The following THAP4 variants were observed in gnomAD, a reference collection of about 807,000 sequenced individuals.
THAP4 encodes the protein THAP domain containing 4.
A neutral mutation model predicts 48.1 loss-of-function variants in THAP4; 18 were observed. That is an observed-to-expected ratio of 0.37 (90% CI 0.26 to 0.56). THAP4 has a LOEUF of 0.56. Among genes scored for constraint, THAP4 ranks in the 20% least tolerant of loss-of-function variants. The probability of loss-of-function intolerance (pLI) is 0.78; values close to 1 mark genes in which losing one functional copy is unlikely to be tolerated. For missense variants in THAP4, 656 were observed against 774.9 expected, an observed-to-expected ratio of 0.85 and a Z score of 1.82; for synonymous variants, 345 against 324.9, an observed-to-expected ratio of 1.06 and a Z score of -0.66.
intron 2 of THAP4, among the ~76,000 whole-genome samples, chr2:241,632,164 C>T (rs1352852535): frequency 6.6e-6 from 1 of 152,002 alleles, no homozygotes; most frequent in African/African-American, 2.4e-5. Context: ...GCAATCCTGG[C>T]TCACAGCAAC....
In THAP4 at chr2:241,623,297, T is replaced by C. The variant is rs141475810; in HGVS notation, c.1240+9620A>G. Among the ~76,000 whole-genome samples the C allele has an allele frequency of 4.2e-3, 633 of 149,156 alleles. 2 individuals are homozygous for C. The highest frequency in any genetic ancestry group is 0.015 in the African/African-American group (591 of 40,514). On this transcript the variant is annotated intron_variant, in intron 2 of 5. Transcript: ENST00000407315. Reference sequence around the variant, plus strand: ...AAAACATAGATTAAAAGTAAAGGGATAGGCCAGCATGGTGGCTCACGTCTG... The same window carrying C: ...AAAACATAGATTAAAAGTAAAGGGACAGGCCAGCATGGTGGCTCACGTCTG...
In THAP4 at chr2:241,634,008, G is replaced by C; in HGVS notation, c.149C>G (p.Thr50Ser). The C allele has an allele frequency of 1.2e-6, 2 of 1,614,080 alleles. No individual in the cohort carries two copies. The highest frequency in any genetic ancestry group is 2.2e-5 in the East Asian group (1 of 44,874). The stretch of plus-strand genomic sequence containing the variant: ...CTCACTACAGAGAAATGAATACTTA[G>C]TGGGAGTCCAGTTATCCCTCTGAAC... Reference protein sequence around the residue: ...KAVQRDNWTPTKYSFLCSEHF... With the variant: ...KAVQRDNWTPSKYSFLCSEHF... The change falls in exon 2 of 6, where the codon ACT becomes AGT. Residue 50 changes from threonine (T) to serine (S), a missense_variant. Around this residue, in one of 4 missense-constraint regions of THAP4, gnomAD observed 30 missense variants for 60.1 expected, o/e 0.50. Coordinates refer to ENST00000407315, the MANE Select transcript of THAP4 (RefSeq NM_015963.6).
At chr2:241,617,390 A>G (rs2067361015) in intron 2 of THAP4, 1 of 1,504,330 alleles carries the variant, frequency 6.6e-7, no homozygotes, top group East Asian at 2.5e-5. Flanking sequence ...GTTTTGGCCC[A>G]AGACACTGAA....
At chr2:241,607,573 G>C (rs1007124475) in intron 2 of THAP4, among the ~76,000 whole-genome samples, 3 of 151,476 alleles carry the variant, frequency 2.0e-5, no homozygotes, top group African/African-American at 4.9e-5. Flanking sequence ...AGGAGCAGCA[G>C]CAGGGACAGA....
chr2:241,624,456 C>T (rs994626401), intron 2 of THAP4, among the ~76,000 whole-genome samples: 2 of 151,332 alleles, frequency 1.3e-5, no homozygotes, highest in African/African-American at 4.9e-5. Context: ...CACTGTACTC[C>T]AGCCTGGCAA....
chr2:241,591,295 G>A (rs1270363507), intron 5 of THAP4, among the ~76,000 whole-genome samples: 1 of 152,160 alleles, frequency 6.6e-6, no homozygotes, highest in Admixed American at 6.5e-5. Flanking sequence ...CCAGGCCGGG[G>A]GCTTGAGAGG....
chr2:241,584,799 G>T, intron 5 of THAP4, 74 bp from the exon 6 acceptor site: 1 of 1,572,504 alleles, frequency 6.4e-7, no homozygotes, highest in East Asian at 2.2e-5. Context: ...TGCGCCCACT[G>T]CATGCCACAC....
chr2:241,621,173 C>T (rs2067425032), intron 2 of THAP4, among the ~76,000 whole-genome samples: 1 of 152,016 alleles, frequency 6.6e-6, no homozygotes, highest in Non-Finnish European at 1.5e-5. Context: ...CATGGTGAAA[C>T]CCCATCTCTA....
At chr2:241,626,710 C>A (rs887449938) in intron 2 of THAP4, among the ~76,000 whole-genome samples, 1 of 151,860 alleles carries the variant, frequency 6.6e-6, no homozygotes, top group African/African-American at 2.4e-5. Flanking sequence ...ATTACAGGCA[C>A]GTGTCACCAT....
chr2:241,602,851 A>G (rs1442880945), intron 4 of THAP4, 119 bp downstream of exon 4: 2 of 778,296 alleles, frequency 2.6e-6, no homozygotes, highest in Non-Finnish European at 4.3e-6. Context: ...GGCCATCCCC[A>G]CGGTCCCCAC....
intron 2 of THAP4, among the ~76,000 whole-genome samples, chr2:241,623,806 C>T (rs1363978495): frequency 6.6e-6 from 1 of 152,156 alleles, no homozygotes; most frequent in Non-Finnish European, 1.5e-5. Flanking sequence ...AATAGATAAT[C>T]TGAACAGGCC....
At chr2:241,628,512 C>T (rs1006705657) in intron 2 of THAP4, among the ~76,000 whole-genome samples, 1 of 152,056 alleles carries the variant, frequency 6.6e-6, no homozygotes, top group Non-Finnish European at 1.5e-5. Context: ...TGTAGCTGGC[C>T]TGCTGATCTT....
In THAP4 at chr2:241,632,949, G is replaced by C. The variant is rs752557730; in HGVS notation, c.1208C>G (p.Pro403Arg). ...GGGCGACAGCAGGCTACTTGGATAG[G>C]GGACGCTCACTCTCCTCAGCTCATC... ...KLDELRRVSV[P>R]YPSSLLSPSR... is the part of the protein sequence containing the mutation. The change falls in exon 2 of 6, where the codon CCC (proline) becomes CGC (arginine). Residue 403 changes from proline to arginine, a missense_variant. Pro to Arg is a moderately radical substitution (Grantham distance 103). Coordinates refer to ENST00000407315, the MANE Select transcript of THAP4 (RefSeq NM_015963.6). 1.9e-6 allele frequency: 3 copies of C among 1,610,586 alleles called. No homozygotes were observed. The highest frequency in any genetic ancestry group is 1.1e-5 in the South Asian group (1 of 90,638).
Position 241,633,404 on chromosome 2 carries a change from G to A in THAP4, c.753C>T (p.Val251=). Residue 251 remains valine (V), a synonymous_variant, in exon 2 of 6, where the codon GTC becomes GTT. Coordinates refer to ENST00000407315, the MANE Select transcript of THAP4 (RefSeq NM_015963.6). The surrounding 1 kb of genome is among the most constrained non-coding windows in gnomAD (Gnocchi z 7.5). ...TCTTGCGGTCAATGGGCTCTCGGGG[G>A]ACAGATGGCCTTTCTCGGGTGTGCT... ...SSKHTRERPS[V]PREPIDRKRL... is the part of the protein sequence containing the mutation. The A allele has an allele frequency of 1.2e-6, 2 of 1,613,600 alleles. No homozygotes were observed. The highest frequency in any genetic ancestry group is 1.7e-6 in the Non-Finnish European group (2 of 1,180,024).
Position 241,633,589 on chromosome 2 carries a change from C to T in THAP4, c.568G>A (p.Ala190Thr), listed in dbSNP as rs141722414. Residue 190 changes from alanine to threonine, a missense_variant, in exon 2 of 6, where the codon GCA becomes ACA. Physicochemically the swap from Ala to Thr is moderately conservative, Grantham distance 58 (BLOSUM62 0). Coordinates refer to ENST00000407315, the MANE Select transcript of THAP4 (RefSeq NM_015963.6). The surrounding 1 kb of genome is among the most constrained non-coding windows in gnomAD (Gnocchi z 7.5). Reference sequence around the variant, plus strand: ...CCAGCATCTGTGGCAGACGCTTCTGCTTTTCCCTGACTGCCTGCCACCATG... The same window carrying T: ...CCAGCATCTGTGGCAGACGCTTCTGTTTTTCCCTGACTGCCTGCCACCATG... Reference protein sequence around the residue: ...ATMVAGSQGKAEASATDAGDE... With the variant: ...ATMVAGSQGKTEASATDAGDE... The T allele has an allele frequency of 1.2e-6, 2 of 1,613,454 alleles. No homozygotes were observed. The highest frequency in any genetic ancestry group is 2.2e-5 in the East Asian group (1 of 44,888).
Position 241,616,085 on chromosome 2 carries a change from C to A in THAP4, c.1241-9612G>T, listed in dbSNP as rs2067342016. The stretch of plus-strand genomic sequence containing the variant: ...GGCTGGCAAGGACAGGTGAGCACAG[C>A]TGGCTCCTCAGAAGAACTGGGCTTA... On this transcript the variant is annotated intron_variant, in intron 2 of 5. Transcript: ENST00000407315. This position sits in a 1 kb window ranked among gnomAD's most constrained non-coding sequence, Gnocchi z 4.6. Among the ~76,000 whole-genome samples, 1 of 152,240 alleles carries A rather than the reference C, an allele frequency of 6.6e-6. No individual in the cohort carries two copies. Among genetic ancestry groups the A allele is most frequent in the Non-Finnish European group, 1.5e-5 (1 of 68,038 alleles).
At position 241,606,469 on chromosome 2, in the gene THAP4, G is replaced by T; in HGVS notation, c.1245C>A (p.Pro415=). Reference sequence around the variant, plus strand: ...GCTCCACCACTGGGTTCATCTTGGGGGGCTCTGAGGACAAAAGAATGAGAC... The same window carrying T: ...GCTCCACCACTGGGTTCATCTTGGGTGGCTCTGAGGACAAAAGAATGAGAC... ...PSSLLSPSRE[P]PKMNPVVEPL... Residue 415 remains proline, a synonymous_variant, in exon 3 of 6, where the codon CCC becomes CCA. Coordinates refer to ENST00000407315, the MANE Select transcript of THAP4 (RefSeq NM_015963.6). 3 of 1,601,564 alleles carry T rather than the reference G, an allele frequency of 1.9e-6. No homozygotes were observed. The highest frequency in any genetic ancestry group is 1.7e-4 in the Middle Eastern group (1 of 6,026).
intron 5 of THAP4, among the ~76,000 whole-genome samples, chr2:241,588,301 T>G (rs745767498): frequency 6.6e-5 from 10 of 152,176 alleles, no homozygotes; most frequent in Admixed American, 3.9e-4. Context: ...CTGATCTAAA[T>G]AAATGGAGCA....
In THAP4 at chr2:241,637,035, C is replaced by T; in HGVS notation, c.-18G>A. ...ATCACCATCGCGGGCCTTGGCCCAG[C>T]CGCGCAGCCAGGCCCCGGCCCTAGC... On this transcript the variant is annotated 5_prime_UTR_variant, in exon 1 of 6. Transcript: ENST00000407315. 2 of 1,245,290 alleles carry T rather than the reference C, an allele frequency of 1.6e-6. No individual in the cohort carries two copies. The highest frequency in any genetic ancestry group is 2.1e-6 in the Non-Finnish European group (2 of 970,064). 77.1% of individuals were successfully genotyped at this position (1,245,290 alleles called of 1,614,324 possible). A position where few individuals can be genotyped will look rare whatever the true frequency, so the allele number is the denominator to read the frequency against.
Sources: allele counts gnomAD v4.1 joint callset (sites outside exome capture counted in the v4.1 genomes callset), GRCh38; gene constraint gnomAD v4.1.1; regional missense constraint gnomAD v4.1.1; non-coding constraint Gnocchi (gnomAD v3.1); transcripts MANE v1.5; gene names NCBI Gene and HGNC (gene_info 2026-07-23, HGNC 2026-07-21).